SH3YL1: variants seen among roughly 807,000 people sequenced by gnomAD.
SH3YL1 encodes the protein SH3 domain-containing YSC84-like protein 1.
Under a neutral mutation model 45.8 loss-of-function variants are expected in SH3YL1, and 41 were observed. That is an observed-to-expected ratio of 0.89 (90% CI 0.70 to 1.16). The LOEUF (loss-of-function observed/expected upper bound fraction) is 1.16, where lower values mean the gene tolerates loss of function less well. Among genes scored for constraint, SH3YL1 ranks in the 50% most tolerant of loss-of-function variants. SH3YL1 has a pLI of 0.00. For missense variants in SH3YL1, 389 were observed against 409.6 expected (o/e 0.95, Z 0.43); for synonymous variants, 152 against 151.4 (o/e 1.00, Z -0.03).
At chr2:246,462 G>A (rs1487203319) in intron 4 of SH3YL1, among the ~76,000 whole-genome samples, 2 of 152,092 alleles carry the variant, frequency 1.3e-5, no homozygotes, top group Non-Finnish European at 2.9e-5. Flanking sequence ...CTCAAAGCAT[G>A]CCCCCAGCCT....
Position 225,101 on chromosome 2 carries a change from C to A in SH3YL1, c.782-181G>T, listed in dbSNP as rs148913864. On this transcript the variant is annotated intron_variant, in intron 8 of 9. Transcript: ENST00000356150. Reference sequence around the variant, plus strand: ...TATACCTGAATAAAGCCAGAAGATACATGAAGTATAAGGTAGATGATAAAT... The same window carrying A: ...TATACCTGAATAAAGCCAGAAGATAAATGAAGTATAAGGTAGATGATAAAT... 2.6e-5 allele frequency among the ~76,000 whole-genome samples: 4 copies of A among 152,186 alleles called. No homozygotes were observed. In the South Asian group the frequency reaches 8.3e-4, roughly 32 times the overall value.
intron 4 of SH3YL1, 106 bp from the exon 5 acceptor site, chr2:234,378 C>A: frequency 5.4e-6 from 4 of 740,866 alleles, no homozygotes; most frequent in Non-Finnish European, 8.7e-6. Flanking sequence ...AGCAAAACAT[C>A]AATAGAGACA....
rs73907914 is a variant in SH3YL1 at position 250,751 on chromosome 2, C to A, written c.113-907G>T. On this transcript the variant is annotated intron_variant, in intron 2 of 9. Coordinates refer to ENST00000356150, the MANE Select transcript of SH3YL1 (RefSeq NM_015677.4). ...CTAAAATTCTCATGTAATTATGCCA[C>A]CATTTCAAAGTTTAAATTAAGAACC... 7.7e-3 allele frequency among the ~76,000 whole-genome samples: 1,169 copies of A among 152,240 alleles called. 8 individuals carry two copies. Among genetic ancestry groups the A allele is most frequent in the African/African-American group, 0.026 (1,089 of 41,504 alleles).
upstream of SH3YL1, chr2:264,480 G>A (rs1178050768): frequency 2.8e-5 from 5 of 180,722 alleles, no homozygotes; most frequent in South Asian, 1.4e-4. Flanking sequence ...CAGGTGACCC[G>A]CGGCCCTTCC....
At chr2:252,875 A>C (rs1669133112) in intron 2 of SH3YL1, 130 bp downstream of exon 2, 1 of 609,980 alleles carries the variant, frequency 1.6e-6, no homozygotes. Flanking sequence ...AAGGTGGTGG[A>C]ACAAAAGGTG....
intron 2 of SH3YL1, among the ~76,000 whole-genome samples, chr2:251,040 C>T (rs1034639349): frequency 6.6e-6 from 1 of 152,126 alleles, no homozygotes; most frequent in African/African-American, 2.4e-5. Flanking sequence ...TCTAGAGTTG[C>T]TATTGCCCCT....
chr2:218,751 A>C lies in SH3YL1; in HGVS notation c.*60T>G. On this transcript the variant is annotated 3_prime_UTR_variant, in exon 10 of 10. Transcript: ENST00000356150. Reference sequence around the variant, plus strand: ...TATATTAAACATTGCTTAACTAGTAAATCCTGTCAGTGTAGAAATAATTTT... The same window carrying C: ...TATATTAAACATTGCTTAACTAGTACATCCTGTCAGTGTAGAAATAATTTT... The C allele has an allele frequency of 5.1e-6, 7 of 1,375,546 alleles. No individual in the cohort carries two copies. In the South Asian group the frequency reaches 7.9e-5, roughly 16 times the overall value. The allele number at this position is 1,375,546 out of a possible 1,614,324, so 85.2% of individuals were successfully genotyped here. A position where few individuals can be genotyped will look rare whatever the true frequency, so the allele number is the denominator to read the frequency against.
At chr2:249,110 TTTAG>T (rs1244664583) in intron 3 of SH3YL1, among the ~76,000 whole-genome samples, 3 of 152,200 alleles carry the variant, frequency 2.0e-5, no homozygotes, top group Non-Finnish European at 4.4e-5. Context: ...TAAAAAACAT[TTTAG>T]TTAGTTTTGA....
At chr2:221,357 A>G (rs1013188508) in intron 9 of SH3YL1, among the ~76,000 whole-genome samples, 3 of 152,194 alleles carry the variant, frequency 2.0e-5, no homozygotes, top group Non-Finnish European at 2.9e-5. Flanking sequence ...GTAATCCCTG[A>G]TAACTGAATT....
At position 227,806 on chromosome 2, in the gene SH3YL1, G is replaced by A. The variant is rs75815713; in HGVS notation, c.781+2160C>T. On this transcript the variant is annotated intron_variant, in intron 8 of 9. Coordinates refer to ENST00000356150, the MANE Select transcript of SH3YL1 (RefSeq NM_015677.4). ...TGAAAACATAGGTGAAATGGGAAAA[G>A]GAAGCAACACAACAAAGGAAAAGAA... Among the ~76,000 whole-genome samples, 267 of 151,844 alleles carry A rather than the reference G, an allele frequency of 1.8e-3. 1 individual carries two copies. The highest frequency in any genetic ancestry group is 6.0e-3 in the African/African-American group (249 of 41,404).
At chr2:239,466 A>T (rs577359915) in intron 4 of SH3YL1, 10 of 152,358 alleles carry the variant, frequency 6.6e-5, no homozygotes, top group Admixed American at 3.9e-4. Context: ...GACCCAGGCA[A>T]AAAACAATGC....
chr2:258,153 T>C (rs957137761), intron 1 of SH3YL1, among the ~76,000 whole-genome samples: 2 of 152,238 alleles, frequency 1.3e-5, no homozygotes, highest in Admixed American at 6.5e-5. Flanking sequence ...TGGTTCCATA[T>C]GAATTTTAAA....
At chr2:262,229 CTTTGT>C (rs1669613025) in intron 1 of SH3YL1, 2 of 156,498 alleles carry the variant, frequency 1.3e-5, no homozygotes, top group Non-Finnish European at 2.9e-5. Flanking sequence ...TAACTACTTC[CTTTGT>C]TTTAAGGACA....
At chr2:256,623 G>A (rs925361272) in intron 1 of SH3YL1, 1 of 152,238 alleles carries the variant, frequency 6.6e-6, no homozygotes, top group Non-Finnish European at 1.5e-5. Context: ...AACCTGGAAG[G>A]TGGAGGTTGC....
intron 1 of SH3YL1, among the ~76,000 whole-genome samples, chr2:254,212 A>AT: frequency 6.6e-6 from 1 of 152,164 alleles, no homozygotes; most frequent in East Asian, 1.9e-4. Context: ...AGACTTGGGA[A>AT]TTGAGCCTAC....
chr2:257,119 T>C (rs1469293256), intron 1 of SH3YL1, among the ~76,000 whole-genome samples: 1 of 152,224 alleles, frequency 6.6e-6, no homozygotes. Flanking sequence ...AAATTTCTTA[T>C]AGATTCTGAA....
At chr2:222,204 G>A (rs1315964091) in intron 9 of SH3YL1, among the ~76,000 whole-genome samples, 1 of 152,176 alleles carries the variant, frequency 6.6e-6, no homozygotes, top group Non-Finnish European at 1.5e-5. Context: ...AGTTGAAGTA[G>A]GGGTTATTTT....
At chr2:223,578 C>T (rs1185997916) in intron 9 of SH3YL1, among the ~76,000 whole-genome samples, 1 of 152,138 alleles carries the variant, frequency 6.6e-6, no homozygotes, top group Non-Finnish European at 1.5e-5. Context: ...ACATTTATAC[C>T]TTAACCACTT....
At chr2:241,841 ATTT>A (rs749174759) in intron 4 of SH3YL1, 2 of 151,762 alleles carry the variant, frequency 1.3e-5, no homozygotes, top group Non-Finnish European at 2.9e-5. Context: ...CAGATTAAAA[ATTT>A]TTTTTTAAGT....
Sources: gnomAD v4.1 joint callset for allele counts (sites outside exome capture counted in the v4.1 genomes callset) on GRCh38, gnomAD v4.1.1 for gene constraint, MANE v1.5 for transcripts, NCBI Gene and HGNC (gene_info 2026-07-23, HGNC 2026-07-21) for gene names.